Variants in GPC5 observed in about 807,000 individuals in gnomAD.
The protein encoded by GPC5 is glypican-5.
GPC5 carries 47 observed loss-of-function variants against 53.9 expected under a neutral mutation model. The observed-to-expected ratio is 0.87, with a 90% CI of 0.69 to 1.11. The LOEUF (loss-of-function observed/expected upper bound fraction) is 1.11, where lower values mean the gene tolerates loss of function less well. Among genes scored for constraint, GPC5 ranks in the 50% most tolerant of loss-of-function variants. GPC5 has a pLI of 0.00. For missense variants in GPC5, 748 were observed against 713.1 expected (o/e 1.05, Z -0.56); for synonymous variants, 286 against 263.3 (o/e 1.09, Z -0.84).
intron 6 of GPC5, among the ~76,000 whole-genome samples, chr13:92,031,128 C>T (rs184754435): frequency 3.8e-4 from 58 of 152,246 alleles, no homozygotes; most frequent in African/African-American, 1.1e-3. Context: ...TTTCCCTACC[C>T]GCTTCTTACC....
chr13:92,142,503 G>GA (rs553166173), intron 6 of GPC5, among the ~76,000 whole-genome samples: 80 of 152,024 alleles, frequency 5.3e-4, no homozygotes, highest in African/African-American at 1.9e-3. Flanking sequence ...AGTGATGGAG[G>GA]AAAAAAATGG....
intron 7 of GPC5, among the ~76,000 whole-genome samples, chr13:92,527,163 A>G (rs570548649): frequency 1.6e-5 from 2 of 125,408 alleles, no homozygotes; most frequent in Admixed American, 1.7e-4. Context: ...AAAGAAAGAA[A>G]GAAAGAAAGA....
At chr13:91,589,072 C>T (rs916357616) in intron 2 of GPC5, among the ~76,000 whole-genome samples, 5 of 152,112 alleles carry the variant, frequency 3.3e-5, no homozygotes, top group South Asian at 2.1e-4. Flanking sequence ...AATGACTTTG[C>T]CAAAGATCAC....
At chr13:91,954,383 A>G (rs2040054532) in intron 6 of GPC5, among the ~76,000 whole-genome samples, 2 of 152,226 alleles carry the variant, frequency 1.3e-5, no homozygotes, top group African/African-American at 4.8e-5. Context: ...ATAATAACAC[A>G]TACAGACCAA....
At chr13:91,881,700 G>A (rs1461139091) in intron 5 of GPC5, among the ~76,000 whole-genome samples, 1 of 152,134 alleles carries the variant, frequency 6.6e-6, no homozygotes, top group African/African-American at 2.4e-5. Context: ...TCCTATTGCA[G>A]GTAGAATCTC....
intron 7 of GPC5, among the ~76,000 whole-genome samples, chr13:92,150,369 T>A (rs16947065): frequency 0.051 from 7,810 of 152,034 alleles, 286 homozygotes; most frequent in African/African-American, 0.11. Context: ...CTAGTGCAGT[T>A]TTGGTAGTAC....
intron 7 of GPC5, among the ~76,000 whole-genome samples, chr13:92,547,466 C>T (rs975956347): frequency 1.2e-4 from 19 of 152,024 alleles, no homozygotes; most frequent in African/African-American, 2.7e-4. Flanking sequence ...CAGATGTGGA[C>T]GGAAGGAAGT....
chr13:92,303,856 GTTA>G (rs2043092144), intron 7 of GPC5, among the ~76,000 whole-genome samples: 1 of 152,322 alleles, frequency 6.6e-6, no homozygotes, highest in Admixed American at 6.5e-5. Flanking sequence ...GACCAGAACA[GTTA>G]GCAAGAGCAG....
intron 7 of GPC5, among the ~76,000 whole-genome samples, chr13:92,309,358 G>C (rs184673071): frequency 1.3e-5 from 2 of 152,180 alleles, no homozygotes; most frequent in Admixed American, 1.3e-4. Flanking sequence ...ACTAGAGGTA[G>C]ACATGACTAC....
chr13:91,906,194 TC>T (rs148744191), intron 5 of GPC5, among the ~76,000 whole-genome samples: 1,668 of 152,160 alleles, frequency 0.011, 12 homozygotes, highest in African/African-American at 0.021. Flanking sequence ...GTTCTCCCTG[TC>T]TGCTTTGTTC....
At chr13:92,459,787 A>T (rs1189703962) in intron 7 of GPC5, among the ~76,000 whole-genome samples, 1 of 152,140 alleles carries the variant, frequency 6.6e-6, no homozygotes, top group East Asian at 1.9e-4. Flanking sequence ...TTTATTTTTT[A>T]AAAACTAAAT....
intron 2 of GPC5, among the ~76,000 whole-genome samples, chr13:91,565,205 G>C (rs977426318): frequency 1.3e-5 from 2 of 152,088 alleles, no homozygotes; most frequent in African/African-American, 2.4e-5. Flanking sequence ...GGCCAGGCTG[G>C]TCTTGAACTC....
At chr13:91,933,427 C>A (rs2039840555) in intron 6 of GPC5, among the ~76,000 whole-genome samples, 1 of 151,910 alleles carries the variant, frequency 6.6e-6, no homozygotes, top group Non-Finnish European at 1.5e-5. Flanking sequence ...GTAATCACTG[C>A]ATAGAGTATT....
chr13:92,779,366 C>T (rs1172686), intron 7 of GPC5, among the ~76,000 whole-genome samples: 13,430 of 151,934 alleles, frequency 0.088, 1,273 homozygotes, highest in African/African-American at 0.24. Context: ...ACAGCCAAAC[C>T]GTATCAGTCT....
intron 7 of GPC5, among the ~76,000 whole-genome samples, chr13:92,515,258 A>G (rs1298310634): frequency 6.6e-6 from 1 of 152,238 alleles, no homozygotes; most frequent in Non-Finnish European, 1.5e-5. Flanking sequence ...TTACCCCCAA[A>G]GAATTTGTAA....
rs372341171 is a variant in GPC5, at chr13:91,476,610, G to C, written c.325+27688G>C. 9.6e-4 allele frequency among the ~76,000 whole-genome samples: 146 copies of C among 152,288 alleles called. 1 individual carries two copies. In the South Asian group the frequency reaches 0.022, roughly 23 times the overall value. On this transcript the variant is annotated intron_variant, in intron 2 of 7. Transcript: ENST00000377067. Reference sequence around the variant, plus strand: ...CTTCAATAGTGATGCAGAAAAGGCAGTAACAATTTGCAGACAATAAGGTCC... The same window carrying C: ...CTTCAATAGTGATGCAGAAAAGGCACTAACAATTTGCAGACAATAAGGTCC...
chr13:91,578,461 A>G (rs1187118533), intron 2 of GPC5, among the ~76,000 whole-genome samples: 1 of 152,166 alleles, frequency 6.6e-6, no homozygotes, highest in Non-Finnish European at 1.5e-5. Context: ...CTCTCATAGA[A>G]GAGAGTTATT....
intron 7 of GPC5, among the ~76,000 whole-genome samples, chr13:92,330,735 A>C (rs7995559): frequency 0.032 from 4,902 of 152,210 alleles, 164 homozygotes; most frequent in African/African-American, 0.088. Context: ...CTGAAGCTAG[A>C]GATAACATAT....
chr13:91,497,560 C>G (rs893070919), intron 2 of GPC5, among the ~76,000 whole-genome samples: 9 of 152,166 alleles, frequency 5.9e-5, no homozygotes, highest in African/African-American at 2.2e-4. Context: ...ACTCACCTTC[C>G]TAACCATGCA....
Sources: allele counts gnomAD v4.1 joint callset (sites outside exome capture counted in the v4.1 genomes callset), GRCh38; gene constraint gnomAD v4.1.1; transcripts MANE v1.5; gene names NCBI Gene and HGNC (gene_info 2026-07-23, HGNC 2026-07-21).